The following ARFGEF1 variants were observed in gnomAD, a reference collection of about 807,000 sequenced individuals.
The protein encoded by ARFGEF1 is brefeldin A-inhibited guanine nucleotide-exchange protein 1.
In ARFGEF1, 42 loss-of-function variants were observed where a neutral mutation model predicts 231.0. The ratio of observed to expected loss-of-function variants is 0.18; its 90% confidence interval spans 0.14 to 0.24. The LOEUF (loss-of-function observed/expected upper bound fraction) is 0.24. ARFGEF1 is among the 10% of genes least tolerant of loss of function. ARFGEF1 has a pLI of 1.00. For missense variants in ARFGEF1, 1,345 were observed against 2,192.0 expected (o/e 0.61, Z 7.72); for synonymous variants, 710 against 732.3 (o/e 0.97, Z 0.49).
chr8:67,338,140 A>C (rs1808433857), intron 1 of ARFGEF1, among the ~76,000 whole-genome samples: 2 of 152,218 alleles, frequency 1.3e-5, no homozygotes, highest in Admixed American at 1.3e-4. Context: ...GTGGGAAAGA[A>C]AGCTAGTCAG....
chr8:67,293,571 T>TA (rs1806103548), intron 5 of ARFGEF1, among the ~76,000 whole-genome samples: 1 of 152,126 alleles, frequency 6.6e-6, no homozygotes, highest in African/African-American at 2.4e-5. Context: ...CTATCATCTA[T>TA]AAAAAAGAAT....
intron 7 of ARFGEF1, 100 bp downstream of exon 7, chr8:67,287,855 C>T: frequency 3.9e-6 from 3 of 777,970 alleles, no homozygotes; most frequent in Non-Finnish European, 5.6e-6. Context: ...TGGCTCCAAA[C>T]GTTTTAATTT....
At chr8:67,314,399 G>C (rs1807210929) in intron 1 of ARFGEF1, among the ~76,000 whole-genome samples, 1 of 152,154 alleles carries the variant, frequency 6.6e-6, no homozygotes, top group Non-Finnish European at 1.5e-5. Flanking sequence ...TGTGATGCCA[G>C]GCAGGAATGG....
At chr8:67,340,988 A>T (rs1009593781) in intron 1 of ARFGEF1, among the ~76,000 whole-genome samples, 1 of 152,332 alleles carries the variant, frequency 6.6e-6, no homozygotes, top group South Asian at 2.1e-4. Context: ...AGTTAACAGG[A>T]CAGTGCAATC....
chr8:67,290,809 T>C (rs1180748832), intron 6 of ARFGEF1, among the ~76,000 whole-genome samples: 2 of 152,182 alleles, frequency 1.3e-5, no homozygotes, highest in African/African-American at 4.8e-5. Context: ...ACTATTAGCT[T>C]CAGTACTATG....
At chr8:67,261,830 CTTT>C (rs34170422) in intron 14 of ARFGEF1, among the ~76,000 whole-genome samples, 12 of 117,982 alleles carry the variant, frequency 1.0e-4, no homozygotes, top group Admixed American at 1.7e-4. Context: ...AATTTCAAGT[CTTT>C]TTTTTTTTTT....
At chr8:67,296,649 T>C (rs1459562140) in intron 4 of ARFGEF1, 39 bp from the exon 5 acceptor site, 2 of 1,487,572 alleles carry the variant, frequency 1.3e-6, no homozygotes, top group Admixed American at 2.4e-5. Flanking sequence ...AGAGATTTTC[T>C]TTTTCTTTTT....
intron 27 of ARFGEF1, 114 bp downstream of exon 27, chr8:67,227,023 A>C: frequency 1.1e-6 from 1 of 948,240 alleles, no homozygotes. Flanking sequence ...TCTGTAGACA[A>C]AGCTTGGTAA....
intron 33 of ARFGEF1, 71 bp from the exon 34 acceptor site, chr8:67,211,686 G>A (rs1296090915): frequency 9.4e-6 from 9 of 961,690 alleles, no homozygotes; most frequent in African/African-American, 1.7e-5. Flanking sequence ...TTTCTAAAAC[G>A]CTATTTTAAA....
intron 28 of ARFGEF1, 142 bp downstream of exon 28, chr8:67,225,881 T>C (rs563817049): frequency 2.4e-6 from 2 of 820,542 alleles, no homozygotes; most frequent in East Asian, 2.8e-5. Context: ...CTAACCATCC[T>C]AACTTGGAAT....
In ARFGEF1 at chr8:67,291,956, T is replaced by G; in HGVS notation, c.807A>C (p.Thr269=). ...CCTGAAGACTTTTATCTACATCATT[T>G]GTATGGAGGTCAAGGTCCCCTTCGT... ...QEHEGDLDLH[T]NDVDKSLQDD... is the part of the protein sequence containing the mutation. Residue 269 remains threonine (T), a synonymous_variant, in exon 6 of 39, where the codon ACA becomes ACC. Coordinates refer to ENST00000262215, the MANE Select transcript of ARFGEF1 (RefSeq NM_006421.5). The G allele has an allele frequency of 6.2e-7, 1 of 1,613,984 alleles. No homozygotes were observed. Among genetic ancestry groups the G allele is most frequent in the Non-Finnish European group, 8.5e-7 (1 of 1,179,922 alleles).
In ARFGEF1 at chr8:67,301,383, A is replaced by T; in HGVS notation, c.156-3T>A. The T allele has an allele frequency of 6.2e-7, 1 of 1,606,268 alleles. No homozygotes were observed. The highest frequency in any genetic ancestry group is 8.5e-7 in the Non-Finnish European group (1 of 1,177,874). On this transcript the variant is annotated splice_region_variant and splice_polypyrimidine_tract_variant and intron_variant, in intron 2 of 38. Transcript: ENST00000262215. The stretch of plus-strand genomic sequence containing the variant: ...CTTTTGCTTCTCCATGAGGAGGACT[A>T]AATGAGAAAGAAAAGTCTGATTATA...
chr8:67,290,403 C>G (rs1805957982), intron 6 of ARFGEF1, among the ~76,000 whole-genome samples: 1 of 152,188 alleles, frequency 6.6e-6, no homozygotes, highest in African/African-American at 2.4e-5. Flanking sequence ...CCCTATCTAT[C>G]AAGATTCAAC....
chr8:67,186,147 T>G (rs1164913907), intron 5 of ARFGEF1, among the ~76,000 whole-genome samples: 1 of 152,208 alleles, frequency 6.6e-6, no homozygotes, highest in Non-Finnish European at 1.5e-5. Flanking sequence ...TTCCATCATT[T>G]CATTTCTGTA....
chr8:67,220,190 GAGTA>G (rs1185916462), intron 29 of ARFGEF1, among the ~76,000 whole-genome samples: 1 of 152,228 alleles, frequency 6.6e-6, no homozygotes, highest in Non-Finnish European at 1.5e-5. Flanking sequence ...ACTAGCTTTT[GAGTA>G]AGTGTTAAAA....
chr8:67,279,624 A>C (rs1805454747), intron 7 of ARFGEF1, among the ~76,000 whole-genome samples: 1 of 152,190 alleles, frequency 6.6e-6, no homozygotes, highest in African/African-American at 2.4e-5. Context: ...GAAATTTCTC[A>C]AAGAAACTGA....
intron 22 of ARFGEF1, among the ~76,000 whole-genome samples, chr8:67,235,509 T>C (rs1839698867): frequency 6.6e-6 from 1 of 152,174 alleles, no homozygotes; most frequent in Admixed American, 6.5e-5. Context: ...CCATTGAATT[T>C]TTAAATGTTA....
At chr8:67,239,738 A>AGT (rs1839874017) in intron 20 of ARFGEF1, among the ~76,000 whole-genome samples, 1 of 152,208 alleles carries the variant, frequency 6.6e-6, no homozygotes, top group Non-Finnish European at 1.5e-5. Flanking sequence ...TCTTTCATGA[A>AGT]AATTATGTAT....
intron 1 of ARFGEF1, among the ~76,000 whole-genome samples, chr8:67,337,577 CTG>C (rs1808407483): frequency 6.6e-6 from 1 of 151,876 alleles, no homozygotes; most frequent in Non-Finnish European, 1.5e-5. Context: ...ATCTTTCTCT[CTG>C]TCTCTCTCCC....
Sources: allele counts gnomAD v4.1 joint callset (sites outside exome capture counted in the v4.1 genomes callset), GRCh38; gene constraint gnomAD v4.1.1; transcripts MANE v1.5; gene names NCBI Gene and HGNC (gene_info 2026-07-23, HGNC 2026-07-21).